The following UNC5D variants were observed in gnomAD, a reference collection of about 807,000 sequenced individuals.
UNC5D encodes the protein netrin receptor UNC5D.
Under a neutral mutation model 105.4 loss-of-function variants are expected in UNC5D, and 39 were observed. The ratio of observed to expected loss-of-function variants is 0.37; its 90% CI spans 0.29 to 0.48. The LOEUF (loss-of-function observed/expected upper bound fraction) is 0.48, where lower values mean the gene tolerates loss of function less well. Among genes scored for constraint, UNC5D ranks in the 20% least tolerant of loss-of-function variants. The pLI is 0.98. For synonymous variants in UNC5D, 452 were observed against 450.4 expected (o/e 1.00, Z -0.04); for missense variants, 991 against 1,202.4 (o/e 0.82, Z 2.60).
At chr8:35,782,557 G>A (rs1176329407) in intron 16 of UNC5D, among the ~76,000 whole-genome samples, 1 of 148,048 alleles carries the variant, frequency 6.8e-6, no homozygotes. Context: ...AGGCTGGAGT[G>A]CAATGGCACC....
chr8:35,412,181 G>C (rs570838103), intron 1 of UNC5D, among the ~76,000 whole-genome samples: 1 of 152,056 alleles, frequency 6.6e-6, no homozygotes, highest in Non-Finnish European at 1.5e-5. Flanking sequence ...ATGCAGGATT[G>C]GCTGTTAGGT....
At chr8:35,280,800 A>G (rs1324528212) in intron 1 of UNC5D, among the ~76,000 whole-genome samples, 1 of 152,008 alleles carries the variant, frequency 6.6e-6, no homozygotes, top group African/African-American at 2.4e-5. Context: ...CTTCTCTATC[A>G]CTGGTTACCT....
chr8:35,514,835 T>C (rs1813007545), intron 1 of UNC5D, among the ~76,000 whole-genome samples: 1 of 152,228 alleles, frequency 6.6e-6, no homozygotes, highest in South Asian at 2.1e-4. Flanking sequence ...GGAGTTTTCA[T>C]TGCAGAAAAT....
chr8:35,540,444 G>GGGGTGTGT (rs1554554009), intron 1 of UNC5D, among the ~76,000 whole-genome samples: 4 of 142,698 alleles, frequency 2.8e-5, no homozygotes, highest in Admixed American at 1.4e-4. Flanking sequence ...AAAGCAGAGG[G>GGGGTGTGT]GTGTGTGTGT....
At chr8:35,391,987 T>C (rs1803808219) in intron 1 of UNC5D, among the ~76,000 whole-genome samples, 1 of 152,250 alleles carries the variant, frequency 6.6e-6, no homozygotes, top group South Asian at 2.1e-4. Context: ...AGAAATGGTA[T>C]GTGTCCTATT....
At chr8:35,423,078 C>A (rs117791845) in intron 1 of UNC5D, among the ~76,000 whole-genome samples, 7 of 152,184 alleles carry the variant, frequency 4.6e-5, no homozygotes, top group African/African-American at 1.7e-4. Flanking sequence ...GAAAATCACC[C>A]TTTTGCTTTT....
chr8:35,388,621 T>G (rs1188295009), intron 1 of UNC5D, among the ~76,000 whole-genome samples: 1 of 152,208 alleles, frequency 6.6e-6, no homozygotes, highest in Non-Finnish European at 1.5e-5. Context: ...TGTAGATTTT[T>G]GGAGGGCATA....
rs58063448 is a variant in UNC5D, at chr8:35,253,473, C to CTTT, written c.103+17605_103+17607dup. 1.1e-3 allele frequency among the ~76,000 whole-genome samples: 109 copies of CTTT among 99,858 alleles called. 1 individual carries two copies. The highest frequency in any genetic ancestry group is 0.013 in the Middle Eastern group (1 of 76). 65.5% of individuals were successfully genotyped at this position (99,858 alleles called of 152,430 possible). On this transcript the variant is annotated intron_variant, in intron 1 of 16. Transcript: ENST00000404895. ...GAGTTTGGAGTAGAGATTTTATTTC[C>CTTT]TTTTTTTTTTTTTTTTTTTTTCTTT...
intron 1 of UNC5D, among the ~76,000 whole-genome samples, chr8:35,539,873 G>A (rs374447106): frequency 7.2e-5 from 11 of 151,978 alleles, no homozygotes; most frequent in African/African-American, 2.2e-4. Context: ...CTTTTGTTTC[G>A]TCTTTTTGTC....
At chr8:35,457,661 G>T (rs1354601324) in intron 1 of UNC5D, among the ~76,000 whole-genome samples, 2 of 152,094 alleles carry the variant, frequency 1.3e-5, no homozygotes, top group East Asian at 3.9e-4. Flanking sequence ...TTTGAATTGT[G>T]CCCTAATGCC....
intron 4 of UNC5D, among the ~76,000 whole-genome samples, chr8:35,656,152 G>C (rs1387459505): frequency 6.6e-6 from 1 of 152,104 alleles, no homozygotes; most frequent in African/African-American, 2.4e-5. Context: ...CCGCTGATAG[G>C]GAAGTGCCAG....
At chr8:35,383,577 A>T (rs1176191222) in intron 1 of UNC5D, among the ~76,000 whole-genome samples, 1 of 152,232 alleles carries the variant, frequency 6.6e-6, no homozygotes, top group Non-Finnish European at 1.5e-5. Context: ...TAAGGTAGGC[A>T]AGAGAGCATA....
intron 4 of UNC5D, among the ~76,000 whole-genome samples, chr8:35,647,580 G>A (rs932221420): frequency 1.3e-5 from 2 of 152,114 alleles, no homozygotes; most frequent in Non-Finnish European, 2.9e-5. Flanking sequence ...ATAGCATTAG[G>A]TTTCTATGAA....
intron 3 of UNC5D, among the ~76,000 whole-genome samples, chr8:35,568,556 G>T (rs549473135): frequency 6.6e-6 from 1 of 152,174 alleles, no homozygotes; most frequent in South Asian, 2.1e-4. Flanking sequence ...AGGTGTGGTG[G>T]TGTGCGTCTG....
At chr8:35,236,546 C>G (rs1191951424) in intron 1 of UNC5D, among the ~76,000 whole-genome samples, 4 of 128,960 alleles carry the variant, frequency 3.1e-5, no homozygotes, top group Non-Finnish European at 6.8e-5. Flanking sequence ...GCCTCCTCTC[C>G]CTTCCCGGCG....
At chr8:35,352,684 C>A (rs1359418412) in intron 1 of UNC5D, among the ~76,000 whole-genome samples, 1 of 152,144 alleles carries the variant, frequency 6.6e-6, no homozygotes, top group Non-Finnish European at 1.5e-5. Context: ...ACAATCTCGG[C>A]TCATTGCAAC....
intron 4 of UNC5D, among the ~76,000 whole-genome samples, chr8:35,629,282 TC>T (rs1347189408): frequency 1.3e-5 from 2 of 152,212 alleles, no homozygotes; most frequent in African/African-American, 4.8e-5. Context: ...AATTTGCATT[TC>T]TCTGATGATT....
chr8:35,750,727 C>T lies in UNC5D; in HGVS notation c.2081C>T (p.Ala694Val), dbSNP rs1165474884. The T allele has an allele frequency of 4.3e-6, 7 of 1,613,956 alleles. No individual in the cohort carries two copies. Among genetic ancestry groups the T allele is most frequent in the African/African-American group, 2.7e-5 (2 of 74,904 alleles). ...TDCAVKQLKV[A>V]VFGCMSCNSL... ...TGTGCCGTGAAGCAACTGAAGGTGGCGGTTTTTGGCTGCATGTCCTGTAAC... is the reference window on the plus strand; with the variant it reads ...TGTGCCGTGAAGCAACTGAAGGTGGTGGTTTTTGGCTGCATGTCCTGTAAC... Residue 694 changes from alanine (A) to valine (V), a missense_variant, in exon 13 of 17, where the codon GCG becomes GTG. Around this residue, in one of 3 missense-constraint regions of UNC5D, gnomAD observed 944 missense variants for 1,131.6 expected, o/e 0.83. Transcript: ENST00000404895.
chr8:35,760,630 A>G (rs939673468), intron 14 of UNC5D, among the ~76,000 whole-genome samples: 4 of 152,186 alleles, frequency 2.6e-5, no homozygotes, highest in Non-Finnish European at 2.9e-5. Flanking sequence ...GTGCTTAAGG[A>G]CAGGATATTT....
Sources: gnomAD v4.1 joint callset for allele counts (sites outside exome capture counted in the v4.1 genomes callset) on GRCh38, gnomAD v4.1.1 for gene constraint, gnomAD v4.1.1 regional missense constraint, MANE v1.5 for transcripts, NCBI Gene and HGNC (gene_info 2026-07-23, HGNC 2026-07-21) for gene names.